The following LY75 variants were observed in gnomAD, a reference collection of about 807,000 sequenced individuals.
LY75 encodes the protein C-type lectin domain family 13 member B.
Under a neutral mutation model 231.7 loss-of-function variants are expected in LY75, and 185 were observed. That is an observed-to-expected ratio of 0.80 (90% CI 0.71 to 0.90). The LOEUF is 0.90. Ranked by LOEUF, LY75 falls within the 40% of genes least tolerant of loss-of-function variation. The pLI, the probability that LY75 is intolerant of heterozygous loss-of-function variation, is 0.00. For missense variants in LY75, 1,947 were observed against 2,050.2 expected, an observed-to-expected ratio of 0.95 and a Z score of 0.97; for synonymous variants, 668 against 689.0, an observed-to-expected ratio of 0.97 and a Z score of 0.48.
chr2:159,850,981 A>G (rs918461355), intron 21 of LY75, among the ~76,000 whole-genome samples: 3 of 151,520 alleles, frequency 2.0e-5, no homozygotes, highest in Non-Finnish European at 2.9e-5. Context: ...GGGACATTAA[A>G]TAACTTCATC....
At chr2:159,876,900 T>G (rs897330767) in intron 11 of LY75, among the ~76,000 whole-genome samples, 1 of 149,344 alleles carries the variant, frequency 6.7e-6, no homozygotes, top group African/African-American at 2.5e-5. Flanking sequence ...TCCCAGCTAC[T>G]TGGGAGGCTG....
At chr2:159,816,704 A>G (rs1683127995) in intron 30 of LY75, 102 bp downstream of exon 30, 1 of 1,498,104 alleles carries the variant, frequency 6.7e-7, no homozygotes, top group African/African-American at 1.4e-5. Flanking sequence ...GAGTCCCAGT[A>G]CTTCATCTAA....
intron 23 of LY75, among the ~76,000 whole-genome samples, chr2:159,845,966 CT>C (rs143990141): frequency 1.4e-4 from 21 of 148,060 alleles, no homozygotes; most frequent in Admixed American, 2.0e-4. Flanking sequence ...TTTTCTCTCT[CT>C]TTTTTTTTTA....
At chr2:159,847,777 G>A (rs1377426697) in intron 23 of LY75, among the ~76,000 whole-genome samples, 1 of 152,042 alleles carries the variant, frequency 6.6e-6, no homozygotes, top group Non-Finnish European at 1.5e-5. Context: ...CTTTCTGGAA[G>A]CAAGTTGGTA....
chr2:159,869,519 A>G (rs1048696311), intron 13 of LY75, among the ~76,000 whole-genome samples: 1 of 152,130 alleles, frequency 6.6e-6, no homozygotes, highest in Non-Finnish European at 1.5e-5. Flanking sequence ...GATTAGCTAA[A>G]ATATTTAGAG....
At position 159,878,618 on chromosome 2, in the gene LY75, T is replaced by C. The variant is rs376013873; in HGVS notation, c.1604+15A>G. 6 of 1,613,848 alleles carry C rather than the reference T, an allele frequency of 3.7e-6. No homozygotes were observed. The African/African-American group carries it at 8.0e-5, about 22-fold the overall frequency. On this transcript the variant is annotated intron_variant, in intron 10 of 34. Coordinates refer to ENST00000263636, the MANE Select transcript of LY75 (RefSeq NM_002349.4). ...AGTTGAAAGTTTATGAGTACAAGTT[T>C]ACTGATGGTCACACCTGCTAGTGAT...
At chr2:159,884,108 G>A (rs900063565) in intron 6 of LY75, among the ~76,000 whole-genome samples, 3 of 152,126 alleles carry the variant, frequency 2.0e-5, no homozygotes, top group Non-Finnish European at 4.4e-5. Flanking sequence ...TTTATAAGGC[G>A]GAGTTTTCCT....
At chr2:159,828,217 A>AATTTTATATAC (rs1173444193) in intron 28 of LY75, among the ~76,000 whole-genome samples, 2 of 149,996 alleles carry the variant, frequency 1.3e-5, no homozygotes, top group Non-Finnish European at 3.0e-5. Context: ...ATTTTATATA[A>AATTTTATATAC]ATTTTAAAAT....
chr2:159,878,647 C>CA lies in LY75; in HGVS notation c.1589dup (p.Thr531AspfsTer4). The CA allele has an allele frequency of 6.2e-7, 1 of 1,613,986 alleles. No individual in the cohort carries two copies. Among genetic ancestry groups the CA allele is most frequent in the Non-Finnish European group, 8.5e-7 (1 of 1,179,944 alleles). On this transcript the variant is annotated frameshift_variant, in exon 10 of 35. Transcript: ENST00000263636. LOFTEE classifies it high-confidence loss of function. ...GATGGTCACACCTGCTAGTGATAGT[C>CA]AGATTGCAGTTTGTTCCAAAAGGGA...
At chr2:159,834,890 C>A (rs1574541643) in intron 26 of LY75, among the ~76,000 whole-genome samples, 1 of 152,268 alleles carries the variant, frequency 6.6e-6, no homozygotes, top group East Asian at 1.9e-4. Context: ...CTACCACAGA[C>A]CCACAAATGT....
At chr2:159,826,010 G>T (rs538722929) in intron 28 of LY75, among the ~76,000 whole-genome samples, 1 of 152,216 alleles carries the variant, frequency 6.6e-6, no homozygotes, top group East Asian at 1.9e-4. Context: ...TACTGAATGG[G>T]CAAAAACTGG....
At chr2:159,839,443 G>A (rs1447788948) in intron 25 of LY75, among the ~76,000 whole-genome samples, 1 of 152,196 alleles carries the variant, frequency 6.6e-6, no homozygotes, top group Non-Finnish European at 1.5e-5. Context: ...TAGGAGACTA[G>A]CATTCTTTGT....
At chr2:159,852,784 T>C (rs1282271678) in intron 20 of LY75, among the ~76,000 whole-genome samples, 3 of 152,206 alleles carry the variant, frequency 2.0e-5, no homozygotes, top group Non-Finnish European at 2.9e-5. Context: ...CTTTCCTAAA[T>C]GCTTAAAATA....
intron 4 of LY75, among the ~76,000 whole-genome samples, chr2:159,887,178 G>C (rs952286773): frequency 1.4e-5 from 2 of 145,516 alleles, no homozygotes; most frequent in African/African-American, 5.0e-5. Flanking sequence ...AAAGGGTCCT[G>C]TTTAGACTAG....
At position 159,885,230 on chromosome 2, in the gene LY75, A is replaced by C. The variant is rs1188348368; in HGVS notation, c.977T>G (p.Leu326Arg). 5.0e-6 allele frequency: 8 copies of C among 1,613,632 alleles called. No individual in the cohort carries two copies. The Admixed American group carries it at 1.0e-4, about 20-fold the overall frequency. ...AGCTTCACAGGAAAAGCTCTGCCACAGACCAGACTCAGCATCCATTCTTGC... is the reference window on the plus strand; with the variant it reads ...AGCTTCACAGGAAAAGCTCTGCCACCGACCAGACTCAGCATCCATTCTTGC... ...SCARMDAESG[L>R]WQSFSCEAQL... The change falls in exon 6 of 35, where the codon CTG (leucine) becomes CGG (arginine). Residue 326 changes from leucine (L) to arginine (R), a missense_variant. Leu to Arg is a moderately radical substitution (Grantham distance 102, BLOSUM62 -2). Coordinates refer to ENST00000263636, the MANE Select transcript of LY75 (RefSeq NM_002349.4).
Position 159,886,446 on chromosome 2 carries a change from G to C in LY75, c.887C>G (p.Pro296Arg), listed in dbSNP as rs1685588128. ...TGGATCCCAGTTGAGAAAGTTTAAT[G>C]GTTTGTGGTCTGACCATTCCCAGCC... is the stretch of plus-strand genomic sequence containing the variant. ...ARGWEWSDHK[P>R]LNFLNWDPDR... Residue 296 changes from proline to arginine, a missense_variant, in exon 5 of 35, where the codon CCA (proline) becomes CGA (arginine). Physicochemically the swap from Pro to Arg is moderately radical, Grantham distance 103. Coordinates refer to ENST00000263636, the MANE Select transcript of LY75 (RefSeq NM_002349.4). 1 of 1,610,470 alleles carries C rather than the reference G, an allele frequency of 6.2e-7. No individual in the cohort carries two copies. The highest frequency in any genetic ancestry group is 8.5e-7 in the Non-Finnish European group (1 of 1,177,864).
intron 4 of LY75, among the ~76,000 whole-genome samples, chr2:159,889,400 A>AT (rs895113329): frequency 6.9e-4 from 103 of 148,206 alleles, no homozygotes; most frequent in Admixed American, 2.4e-3. Context: ...TTAAAAAAAA[A>AT]TTTTTTTTTT....
intron 31 of LY75, chr2:159,812,470 A>G (rs1682989951): frequency 6.6e-6 from 1 of 152,158 alleles, no homozygotes; most frequent in Admixed American, 6.5e-5. Flanking sequence ...GGAATGCAGT[A>G]GTGCAATCAT....
At chr2:159,873,610 T>C (rs750799450) in intron 12 of LY75, among the ~76,000 whole-genome samples, 64 of 152,174 alleles carry the variant, frequency 4.2e-4, no homozygotes, top group Middle Eastern at 3.4e-3. Context: ...AATGTGAGGC[T>C]AAATGTTTGT....
Sources: gnomAD v4.1 joint callset for allele counts (sites outside exome capture counted in the v4.1 genomes callset) on GRCh38, gnomAD v4.1.1 for gene constraint, MANE v1.5 for transcripts, NCBI Gene and HGNC (gene_info 2026-07-23, HGNC 2026-07-21) for gene names.